Variants in FAM124A observed in about 807,000 individuals in gnomAD.
The protein encoded by FAM124A is protein FAM124A.
Under a neutral mutation model 24.5 loss-of-function variants are expected in FAM124A, and 23 were observed. The observed-to-expected ratio is 0.94, with a 90% confidence interval of 0.68 to 1.33. The LOEUF is 1.33. Ranked by LOEUF, FAM124A falls within the 40% of genes most tolerant of loss-of-function variation. The probability of loss-of-function intolerance (pLI) is 0.00; values close to 1 mark genes in which losing one functional copy is unlikely to be tolerated. For missense variants in FAM124A, 623 were observed against 722.8 expected (o/e 0.86, Z 1.58); for synonymous variants, 287 against 314.7 (o/e 0.91, Z 0.93).
Position 51,282,744 on chromosome 13 carries a change from G to A in FAM124A, c.*1488G>A, listed in dbSNP as rs1270312013. ...AGTTACCAACCATCAGTCTTCAGCT[G>A]AAGCTTCAAGTCTTTGCCATCCTTG... On this transcript the variant is annotated 3_prime_UTR_variant, in exon 4 of 4. Coordinates refer to ENST00000322475, the MANE Select transcript of FAM124A (RefSeq NM_001242312.2). The A allele has an allele frequency of 6.6e-6, 1 of 152,248 alleles. No individual in the cohort carries two copies. The highest frequency in any genetic ancestry group is 2.4e-5 in the African/African-American group (1 of 41,440). 9.4% of individuals were successfully genotyped at this position (152,248 alleles called of 1,614,324 possible).
chr13:51,259,499 C>T (rs769462285), intron 3 of FAM124A, among the ~76,000 whole-genome samples: 4 of 152,062 alleles, frequency 2.6e-5, no homozygotes, highest in African/African-American at 4.8e-5. Context: ...CCGCCTGATC[C>T]CCTCCCCACA....
rs1388822951 is a variant in FAM124A at position 51,258,225 on chromosome 13, C to T, written c.834+6024C>T. Among the ~76,000 whole-genome samples the T allele has an allele frequency of 6.6e-6, 1 of 152,208 alleles. No homozygotes were observed. Among genetic ancestry groups the T allele is most frequent in the Non-Finnish European group, 1.5e-5 (1 of 68,048 alleles). On this transcript the variant is annotated intron_variant, in intron 3 of 3. Coordinates refer to ENST00000322475, the MANE Select transcript of FAM124A (RefSeq NM_001242312.2). This position sits in a 1 kb window ranked among gnomAD's most constrained non-coding sequence, Gnocchi z 4.2. ...GGCTCACCTTTCTCCAGCATGACCT[C>T]ATCCTAATTAAGCTCATTCCATCTC...
chr13:51,265,780 C>G (rs554437283), intron 3 of FAM124A, among the ~76,000 whole-genome samples: 1 of 152,280 alleles, frequency 6.6e-6, no homozygotes, highest in Non-Finnish European at 1.5e-5. Flanking sequence ...TGCCCAGGGC[C>G]TTCCCAACAG....
intron 3 of FAM124A, among the ~76,000 whole-genome samples, chr13:51,273,448 T>C (rs909878129): frequency 6.6e-6 from 1 of 152,244 alleles, no homozygotes; most frequent in African/African-American, 2.4e-5. Flanking sequence ...ATGTACTTTT[T>C]CTTTTAATGA....
Position 51,251,583 on chromosome 13 carries a change from C to T in FAM124A, c.216C>T (p.Ile72=), listed in dbSNP as rs766971905. The T allele has an allele frequency of 6.4e-7, 1 of 1,559,534 alleles. No homozygotes were observed. The highest frequency in any genetic ancestry group is 8.7e-7 in the Non-Finnish European group (1 of 1,150,612). The part of the protein sequence containing the change: ...QEAIDNVLAW[I]HPDLPLFRVS... ...CCATCGACAACGTCCTGGCGTGGAT[C>T]CACCCCGACCTCCCGCTGTTCCGGG... The change falls in exon 3 of 4, where the codon ATC becomes ATT. Residue 72 remains isoleucine, a synonymous_variant. Transcript: ENST00000322475. The surrounding 1 kb of genome is among the most constrained non-coding windows in gnomAD (Gnocchi z 5.3).
At chr13:51,253,364 C>T (rs1456111129) in intron 3 of FAM124A, 2 of 152,196 alleles carry the variant, frequency 1.3e-5, no homozygotes, top group Non-Finnish European at 2.9e-5. Flanking sequence ...GAAAGGTCAC[C>T]TTGAGATACT....
intron 3 of FAM124A, among the ~76,000 whole-genome samples, chr13:51,274,397 A>G (rs970278128): frequency 5.9e-5 from 9 of 152,206 alleles, no homozygotes; most frequent in Non-Finnish European, 8.8e-5. Context: ...CATTCCTTTG[A>G]GCATCATGTC....
intron 1 of FAM124A, among the ~76,000 whole-genome samples, chr13:51,225,761 G>A (rs1182622695): frequency 1.3e-5 from 2 of 152,106 alleles, no homozygotes; most frequent in African/African-American, 2.4e-5. Context: ...GCTCTAGAAG[G>A]CAGTAGAAGG....
intron 2 of FAM124A, among the ~76,000 whole-genome samples, chr13:51,236,458 T>TGGCCAC (rs1188756273): frequency 3.9e-5 from 6 of 152,268 alleles, no homozygotes; most frequent in Non-Finnish European, 7.3e-5. Context: ...ATTTTGGCCT[T>TGGCCAC]GGCCACATTT....
At position 51,222,626 on chromosome 13, in the gene FAM124A, C is replaced by G. The variant is rs1031992994; in HGVS notation, c.68+57C>G. 7 of 1,209,506 alleles carry G rather than the reference C, an allele frequency of 5.8e-6. No individual in the cohort carries two copies. In the African/African-American group the frequency reaches 1.1e-4, roughly 19 times the overall value. The allele number at this position is 1,209,506 out of a possible 1,614,324, so 74.9% of individuals were successfully genotyped here. ...GGGCGCTCTCCGAGTTGCGCGGCGGCTCCTCCCCGGACGGGGACCCTCCTG... is the reference window on the plus strand; with the variant it reads ...GGGCGCTCTCCGAGTTGCGCGGCGGGTCCTCCCCGGACGGGGACCCTCCTG... On this transcript the variant is annotated intron_variant, in intron 1 of 3. Coordinates refer to ENST00000322475, the MANE Select transcript of FAM124A (RefSeq NM_001242312.2).
chr13:51,244,146 G>T (rs922646358), intron 2 of FAM124A, among the ~76,000 whole-genome samples: 1 of 152,220 alleles, frequency 6.6e-6, no homozygotes, highest in Non-Finnish European at 1.5e-5. Flanking sequence ...GGGCACTGCA[G>T]TGTTGGCAGT....
At chr13:51,225,771 G>T (rs549791057) in intron 1 of FAM124A, among the ~76,000 whole-genome samples, 1 of 152,102 alleles carries the variant, frequency 6.6e-6, no homozygotes, top group Non-Finnish European at 1.5e-5. Flanking sequence ...GCAGTAGAAG[G>T]TGAAGAAAAG....
intron 1 of FAM124A, chr13:51,225,194 T>C (rs1170131768): frequency 6.6e-6 from 1 of 152,212 alleles, no homozygotes; most frequent in African/African-American, 2.4e-5. Context: ...TTCAACACAC[T>C]GTGTCTGAGG....
At chr13:51,249,279 T>C (rs1335253371) in intron 2 of FAM124A, among the ~76,000 whole-genome samples, 1 of 152,174 alleles carries the variant, frequency 6.6e-6, no homozygotes, top group Non-Finnish European at 1.5e-5. Flanking sequence ...ATGTAGTAAG[T>C]TGGAATTGCT....
chr13:51,273,013 T>C (rs1391282027), intron 3 of FAM124A, among the ~76,000 whole-genome samples: 1 of 152,250 alleles, frequency 6.6e-6, no homozygotes, highest in Non-Finnish European at 1.5e-5. Context: ...TTTGTAGAAC[T>C]AATGTGTACT....
rs1412426184 is a variant in FAM124A at position 51,272,417 on chromosome 13, G to A, written c.835-8033G>A. 2.0e-5 allele frequency among the ~76,000 whole-genome samples: 3 copies of A among 152,094 alleles called. No homozygotes were observed. The highest frequency in any genetic ancestry group is 2.9e-5 in the Non-Finnish European group (2 of 68,036). Reference sequence around the variant, plus strand: ...AGAAAGGAGCAGGAGGGAGATGGCCGGGCTAAATGGGAAACAGTGTCTATG... The same window carrying A: ...AGAAAGGAGCAGGAGGGAGATGGCCAGGCTAAATGGGAAACAGTGTCTATG... On this transcript the variant is annotated intron_variant, in intron 3 of 3. Transcript: ENST00000322475. This position sits in a 1 kb window ranked among gnomAD's most constrained non-coding sequence, Gnocchi z 4.2.
At chr13:51,246,912 C>T (rs1287848846) in intron 2 of FAM124A, among the ~76,000 whole-genome samples, 4 of 152,238 alleles carry the variant, frequency 2.6e-5, no homozygotes, top group Non-Finnish European at 5.9e-5. Flanking sequence ...AAGCCTCTCA[C>T]GCCATGCTAT....
intron 1 of FAM124A, among the ~76,000 whole-genome samples, chr13:51,230,953 C>T (rs139918459): frequency 1.6e-4 from 25 of 152,272 alleles, no homozygotes; most frequent in African/African-American, 6.0e-4. Flanking sequence ...GAACATTTCC[C>T]CATGGTGTTG....
intron 2 of FAM124A, among the ~76,000 whole-genome samples, chr13:51,245,800 T>A (rs1388454796): frequency 1.3e-5 from 2 of 152,184 alleles, no homozygotes; most frequent in African/African-American, 4.8e-5. Flanking sequence ...TACATAAAGC[T>A]TGTAGGACAA....
Sources: gnomAD v4.1 joint callset for allele counts (sites outside exome capture counted in the v4.1 genomes callset) on GRCh38, gnomAD v4.1.1 for gene constraint, Gnocchi (gnomAD v3.1) non-coding constraint, MANE v1.5 for transcripts, NCBI Gene and HGNC (gene_info 2026-07-23, HGNC 2026-07-21) for gene names.